SCML4: variants seen among roughly 807,000 people sequenced by gnomAD.
SCML4 encodes Scm polycomb group protein like 4.
A neutral mutation model predicts 41.1 loss-of-function variants in SCML4; 34 were observed. The ratio of observed to expected loss-of-function variants is 0.83; its 90% CI spans 0.63 to 1.10. The LOEUF is 1.10. SCML4 is among the 50% of genes least tolerant of loss of function. The pLI is 0.00. For synonymous variants in SCML4, 214 were observed against 220.9 expected, an observed-to-expected ratio of 0.97 and a Z score of 0.28; for missense variants, 522 against 534.1, an observed-to-expected ratio of 0.98 and a Z score of 0.22.
intron 5 of SCML4, among the ~76,000 whole-genome samples, chr6:107,738,218 C>T (rs774389358): frequency 1.3e-5 from 2 of 152,198 alleles, no homozygotes; most frequent in Non-Finnish European, 2.9e-5. Flanking sequence ...ACACAAACCA[C>T]CTTCAGATGT....
the SCML4 span, among the ~76,000 whole-genome samples, chr6:107,837,077 G>A: frequency 1.2e-4 from 19 of 152,262 alleles, no homozygotes; most frequent in East Asian, 3.7e-3. Flanking sequence ...CTTATCCTGA[G>A]TTCCTGACTC....
chr6:107,745,396 A>C (rs1024201098), intron 4 of SCML4: 7 of 448,130 alleles, frequency 1.6e-5, no homozygotes, highest in Non-Finnish European at 2.8e-5. Flanking sequence ...CTTGTTTTTC[A>C]TCACTCTAAT....
chr6:107,772,445 A>T, intron 1 of SCML4, 59 bp from the exon 2 acceptor site: 1 of 1,000,946 alleles, frequency 1.0e-6, no homozygotes, highest in Non-Finnish European at 1.4e-6. Flanking sequence ...TTGGTTTGCA[A>T]GGCAAACATG....
chr6:107,805,872 G>A lies in SCML4; in HGVS notation c.-60+18254C>T, dbSNP rs938978. Among the ~76,000 whole-genome samples the A allele has an allele frequency of 4.5e-3, 689 of 152,248 alleles. 5 individuals carry two copies. Among genetic ancestry groups the A allele is most frequent in the East Asian group, 0.025 (130 of 5,188 alleles). ...AATAAGAACAATGACATTGAAATTT[G>A]ACAGACATTACCTCTGAAGAGAGCC... is the stretch of plus-strand genomic sequence containing the variant. On this transcript the variant is annotated intron_variant, in intron 1 of 7. Coordinates refer to ENST00000369020, the MANE Select transcript of SCML4 (RefSeq NM_198081.5).
At chr6:107,832,815 C>A in the SCML4 span, among the ~76,000 whole-genome samples, 1 of 152,052 alleles carries the variant, frequency 6.6e-6, no homozygotes, top group Non-Finnish European at 1.5e-5. Context: ...GGGTGCTGCG[C>A]GCCGCACATG....
At chr6:107,831,849 C>T in the SCML4 span, among the ~76,000 whole-genome samples, 4 of 152,140 alleles carry the variant, frequency 2.6e-5, no homozygotes, top group South Asian at 4.1e-4. Context: ...GTCAGGAGAT[C>T]GAGACCATCC....
chr6:107,716,627 C>T (rs908122222), intron 6 of SCML4, among the ~76,000 whole-genome samples: 3 of 151,966 alleles, frequency 2.0e-5, no homozygotes, highest in African/African-American at 7.3e-5. Context: ...AGAGTAAGAA[C>T]TATAGATGAG....
chr6:107,793,780 G>A lies in SCML4; in HGVS notation c.-59-21394C>T, dbSNP rs186093330. ...TGGGCAACATGGTGAAACCCCATCT[G>A]TACCAAAAATACAAAATAGCTGGGT... On this transcript the variant is annotated intron_variant, in intron 1 of 7. Transcript: ENST00000369020. Among the ~76,000 whole-genome samples, 4 of 152,108 alleles carry A rather than the reference G, an allele frequency of 2.6e-5. No homozygotes were observed. In the East Asian group the frequency reaches 7.7e-4, roughly 29 times the overall value.
At chr6:107,831,917 G>A in the SCML4 span, among the ~76,000 whole-genome samples, 2 of 151,776 alleles carry the variant, frequency 1.3e-5, no homozygotes, top group South Asian at 2.1e-4. Flanking sequence ...CACAAAATTA[G>A]CTGGGCATGG....
At position 107,749,691 on chromosome 6, in the gene SCML4, A is replaced by C. The variant is rs1477661248; in HGVS notation, c.279T>G (p.Ala93=). 2.5e-6 allele frequency: 4 copies of C among 1,613,932 alleles called. No individual in the cohort carries two copies. Residue 93 remains alanine (A), a synonymous_variant, in exon 3 of 8, where the codon GCT becomes GCG. Coordinates refer to ENST00000369020, the MANE Select transcript of SCML4 (RefSeq NM_198081.5). ...ATVPSLAAPQ[A]LTVCLYINKQ... is the part of the protein sequence containing the mutation. ...TTCATTCTGCTGACCTACCTGTGAG[A>C]GCCTGTGGGGCCGCCAAGCTGGGGA...
At chr6:107,706,949 C>A (rs1272385448) in intron 7 of SCML4, among the ~76,000 whole-genome samples, 1 of 152,162 alleles carries the variant, frequency 6.6e-6, no homozygotes, top group Non-Finnish European at 1.5e-5. Context: ...CACTGAGACC[C>A]ATGCCAGGCT....
intron 5 of SCML4, among the ~76,000 whole-genome samples, chr6:107,740,802 G>A (rs1458775492): frequency 6.6e-6 from 1 of 152,208 alleles, no homozygotes; most frequent in East Asian, 1.9e-4. Flanking sequence ...AAAGCCCACA[G>A]GATGAAGAAT....
At chr6:107,764,484 C>T (rs777307811) in intron 2 of SCML4, among the ~76,000 whole-genome samples, 19 of 152,024 alleles carry the variant, frequency 1.2e-4, no homozygotes, top group South Asian at 2.1e-4. Flanking sequence ...GGACAGGATT[C>T]GGATCCTATG....
intron 6 of SCML4, among the ~76,000 whole-genome samples, chr6:107,712,162 A>T (rs1490635408): frequency 6.6e-6 from 1 of 152,234 alleles, no homozygotes; most frequent in Non-Finnish European, 1.5e-5. Context: ...CACGGAAATC[A>T]CATTGCCTTT....
the SCML4 span, among the ~76,000 whole-genome samples, chr6:107,839,740 A>G: frequency 6.6e-6 from 1 of 152,140 alleles, no homozygotes; most frequent in African/African-American, 2.4e-5. Flanking sequence ...GCTCACAAGT[A>G]CTATAAATAT....
In SCML4 at chr6:107,749,812, A is replaced by T; in HGVS notation, c.158T>A (p.Ile53Asn). ...GGGAGTCATGAGAACCCGAGACTTG[A>T]TCTGGAAGAGAGAGCCCATTTGGTC... ...KKRGRKPGYK[I>N]KSRVLMTPLA... Residue 53 changes from isoleucine (I) to asparagine (N), a missense_variant and splice_region_variant, in exon 3 of 8, where the codon ATC (isoleucine) becomes AAC (asparagine). Coordinates refer to ENST00000369020, the MANE Select transcript of SCML4 (RefSeq NM_198081.5). 6.2e-7 allele frequency: 1 copy of T among 1,613,996 alleles called. No homozygotes were observed. The highest frequency in any genetic ancestry group is 2.2e-5 in the East Asian group (1 of 44,870).
chr6:107,744,888 G>A, intron 5 of SCML4, 61 bp downstream of exon 5: 5 of 1,376,222 alleles, frequency 3.6e-6, no homozygotes, highest in Non-Finnish European at 5.0e-6. Context: ...ATAGTGGAAG[G>A]GCAGAGACAC....
At chr6:107,834,349 C>T in the SCML4 span, among the ~76,000 whole-genome samples, 1 of 152,158 alleles carries the variant, frequency 6.6e-6, no homozygotes, top group Non-Finnish European at 1.5e-5. Flanking sequence ...GGGAGAGGTG[C>T]TATACCGAAA....
intron 6 of SCML4, chr6:107,720,108 T>C: frequency 2.0e-6 from 2 of 985,328 alleles, no homozygotes; most frequent in Non-Finnish European, 2.4e-6. Context: ...TGACACTTCC[T>C]ATGCAAGAGA....
Sources: allele counts gnomAD v4.1 joint callset (sites outside exome capture counted in the v4.1 genomes callset), GRCh38; gene constraint gnomAD v4.1.1; transcripts MANE v1.5; gene names NCBI Gene and HGNC (gene_info 2026-07-23, HGNC 2026-07-21).